Variants in ANKH observed in about 807,000 individuals in gnomAD.
ANKH encodes the protein ANKH inorganic pyrophosphate transport regulator, also known as mineralization regulator ANKH.
ANKH carries 15 observed loss-of-function variants against 49.0 expected under a neutral mutation model. That is an observed-to-expected ratio of 0.31 (90% CI 0.20 to 0.47). The LOEUF (loss-of-function observed/expected upper bound fraction) is 0.47, where lower values mean the gene tolerates loss of function less well. Among genes scored for constraint, ANKH ranks in the 20% least tolerant of loss-of-function variants. ANKH has a pLI of 1.00. For missense variants in ANKH, 429 were observed against 652.0 expected (o/e 0.66, Z 3.72); for synonymous variants, 273 against 260.0 (o/e 1.05, Z -0.48).
chr5:14,856,369 C>G (rs1302158911), intron 1 of ANKH, among the ~76,000 whole-genome samples: 1 of 152,164 alleles, frequency 6.6e-6, no homozygotes, highest in Non-Finnish European at 1.5e-5. Context: ...ACGTTTGCAT[C>G]CAGTCTGTTT....
rs117832007 is a variant in ANKH at position 14,776,358 on chromosome 5, A to T, written c.97-7167T>A. On this transcript the variant is annotated intron_variant, in intron 1 of 11. Transcript: ENST00000284268. The stretch of plus-strand genomic sequence containing the variant: ...TCAGCTCTGTGAGTCTGGAGTCTGG[A>T]GGGTCGGTCTGGGCTATGGATATAC... 4.7e-4 allele frequency among the ~76,000 whole-genome samples: 71 copies of T among 152,260 alleles called. No individual in the cohort carries two copies. In the East Asian group the frequency reaches 0.011, roughly 24 times the overall value.
At chr5:14,833,373 G>A (rs1741560342) in intron 1 of ANKH, among the ~76,000 whole-genome samples, 1 of 152,174 alleles carries the variant, frequency 6.6e-6, no homozygotes, top group African/African-American at 2.4e-5. Context: ...TCACACACAA[G>A]GGTGTTCGCT....
At chr5:14,864,856 CACAT>C (rs1311745120) in intron 1 of ANKH, among the ~76,000 whole-genome samples, 1 of 152,132 alleles carries the variant, frequency 6.6e-6, no homozygotes, top group African/African-American at 2.4e-5. Flanking sequence ...GAAACATACA[CACAT>C]ACACACCATT....
chr5:14,714,314 G>C (rs76366971), intron 9 of ANKH, among the ~76,000 whole-genome samples: 2,289 of 152,346 alleles, frequency 0.015, 67 homozygotes, highest in African/African-American at 0.052. Flanking sequence ...CTGAGCTGCA[G>C]GAGGGCCATG....
At chr5:14,780,566 AT>A (rs1739776365) in intron 1 of ANKH, among the ~76,000 whole-genome samples, 1 of 152,192 alleles carries the variant, frequency 6.6e-6, no homozygotes, top group Non-Finnish European at 1.5e-5. Flanking sequence ...AAACAAAATC[AT>A]GTTTCTCATA....
chr5:14,846,406 T>A (rs1741961709), intron 1 of ANKH, among the ~76,000 whole-genome samples: 1 of 152,212 alleles, frequency 6.6e-6, no homozygotes, highest in Admixed American at 6.5e-5. Flanking sequence ...CATTTACTTG[T>A]ATCCACCTTA....
chr5:14,741,457 T>G (rs1561032833), intron 8 of ANKH: 1 of 253,348 alleles, frequency 3.9e-6, no homozygotes, highest in Non-Finnish European at 7.8e-6. Flanking sequence ...TGGGGAACAC[T>G]GAAGTAACGC....
intron 1 of ANKH, among the ~76,000 whole-genome samples, chr5:14,835,913 T>C (rs538055421): frequency 6.6e-6 from 1 of 152,318 alleles, no homozygotes; most frequent in East Asian, 1.9e-4. Flanking sequence ...AAAAAGCTTA[T>C]TCACCACGAT....
intron 8 of ANKH, among the ~76,000 whole-genome samples, chr5:14,733,221 C>T (rs962529826): frequency 2.6e-5 from 4 of 152,188 alleles, no homozygotes; most frequent in African/African-American, 4.8e-5. Flanking sequence ...TTCTTGGCAG[C>T]GCTTTGTGGT....
chr5:14,743,242 G>T (rs1188471692), intron 7 of ANKH, among the ~76,000 whole-genome samples: 6 of 152,208 alleles, frequency 3.9e-5, no homozygotes, highest in African/African-American at 1.4e-4. Context: ...CCCTGGATCT[G>T]TTAGAGGACT....
chr5:14,777,385 GT>G (rs1374556791), intron 1 of ANKH, among the ~76,000 whole-genome samples: 6 of 152,154 alleles, frequency 3.9e-5, no homozygotes, highest in African/African-American at 1.4e-4. Context: ...TATCTACCAG[GT>G]TCACTGTGTT....
intron 2 of ANKH, among the ~76,000 whole-genome samples, chr5:14,759,840 GAAGGGAAGGA>G (rs1349244684): frequency 2.0e-4 from 17 of 83,476 alleles, no homozygotes; most frequent in African/African-American, 2.9e-4. Context: ...AAAGGGAAGG[GAAGGGAAGGA>G]AAGGGAAGGA....
chr5:14,744,747 G>A (rs1026136835), intron 7 of ANKH, among the ~76,000 whole-genome samples: 7 of 152,246 alleles, frequency 4.6e-5, no homozygotes, highest in Admixed American at 2.0e-4. Flanking sequence ...GGGGGAGAGG[G>A]GGTCCCCAGG....
intron 1 of ANKH, among the ~76,000 whole-genome samples, chr5:14,813,678 G>A (rs1282127527): frequency 6.6e-6 from 1 of 152,126 alleles, no homozygotes; most frequent in African/African-American, 2.4e-5. Context: ...ACTGGGACCT[G>A]GCACCTAATC....
chr5:14,871,309 C>T (rs372407818), intron 1 of ANKH, 43 bp downstream of exon 1: 86 of 1,574,218 alleles, frequency 5.5e-5, no homozygotes, highest in Non-Finnish European at 3.1e-5. Flanking sequence ...CGTGTAAGGC[C>T]AAGGCAGGGC....
chr5:14,788,011 G>A (rs531475049), intron 1 of ANKH: 1 of 152,270 alleles, frequency 6.6e-6, no homozygotes, highest in Admixed American at 6.5e-5. Flanking sequence ...AATCATGATT[G>A]GTTTACAAAT....
intron 1 of ANKH, among the ~76,000 whole-genome samples, chr5:14,794,001 A>G (rs1740292009): frequency 5.3e-5 from 8 of 152,260 alleles, no homozygotes; most frequent in Admixed American, 5.2e-4. Context: ...CTAAGCCAAC[A>G]CTTATCTGAT....
intron 1 of ANKH, among the ~76,000 whole-genome samples, chr5:14,842,202 C>G (rs1011479978): frequency 6.6e-6 from 1 of 152,096 alleles, no homozygotes; most frequent in African/African-American, 2.4e-5. Flanking sequence ...AATTAGGGTC[C>G]TCTCTATAAT....
At position 14,871,537 on chromosome 5, in the gene ANKH, G is replaced by A. The variant is rs1202831554; in HGVS notation, c.-90C>T. 1.3e-5 allele frequency: 13 copies of A among 1,010,606 alleles called. 1 individual carries two copies. The highest frequency in any genetic ancestry group is 1.3e-4 in the Admixed American group (5 of 39,496). 62.6% of individuals were successfully genotyped at this position (1,010,606 alleles called of 1,614,324 possible). A position where few individuals can be genotyped will look rare whatever the true frequency, so the allele number is the denominator to read the frequency against. On this transcript the variant is annotated 5_prime_UTR_variant, in exon 1 of 12. Transcript: ENST00000284268. ...GGGGCGACGGGGCGACGGGGCGAGCGGGGCGCGGGCCGACAGAGGCCGCGG... is the reference window on the plus strand; with the variant it reads ...GGGGCGACGGGGCGACGGGGCGAGCAGGGCGCGGGCCGACAGAGGCCGCGG...
Sources: allele counts gnomAD v4.1 joint callset (sites outside exome capture counted in the v4.1 genomes callset), GRCh38; gene constraint gnomAD v4.1.1; transcripts MANE v1.5; gene names NCBI Gene and HGNC (gene_info 2026-07-23, HGNC 2026-07-21).